The following THAP5 variants were observed in gnomAD, a reference collection of about 807,000 sequenced individuals.
The protein encoded by THAP5 is THAP domain-containing protein 5.
Under a neutral mutation model 34.0 loss-of-function variants are expected in THAP5, and 26 were observed. The ratio of observed to expected loss-of-function variants is 0.77; its 90% CI spans 0.56 to 1.06. The LOEUF (loss-of-function observed/expected upper bound fraction) is 1.06. Among genes scored for constraint, THAP5 ranks in the 50% least tolerant of loss-of-function variants. The pLI is 0.00. For synonymous variants in THAP5, 125 were observed against 153.0 expected, an observed-to-expected ratio of 0.82 and a Z score of 1.35; for missense variants, 394 against 452.8, an observed-to-expected ratio of 0.87 and a Z score of 1.18.
chr7:108,557,254 C>T (rs558972831), downstream of THAP5, among the ~76,000 whole-genome samples: 5 of 152,364 alleles, frequency 3.3e-5, no homozygotes, highest in East Asian at 5.8e-4. Context: ...TTCTTCTTCA[C>T]GTATGCAGAT....
At chr7:108,560,046 T>A (rs1264066442), downstream of THAP5, among the ~76,000 whole-genome samples, 1 of 152,254 alleles carries the variant, frequency 6.6e-6, no homozygotes, top group Non-Finnish European at 1.5e-5. Flanking sequence ...GGGATGTGAA[T>A]AGCTCTAAAT....
At chr7:108,567,805 A>G (rs531542394) in intron 1 of THAP5, among the ~76,000 whole-genome samples, 8 of 152,260 alleles carry the variant, frequency 5.3e-5, no homozygotes, top group Non-Finnish European at 1.2e-4. Flanking sequence ...TGGATTACAC[A>G]AGAAAATTTT....
chr7:108,546,251 G>T, the THAP5 span, among the ~76,000 whole-genome samples: 7 of 152,012 alleles, frequency 4.6e-5, no homozygotes, highest in Admixed American at 6.6e-5. Flanking sequence ...GGCTTGCTAG[G>T]TGCCAAAAAC....
rs750915971 is a variant in THAP5 at position 108,569,513 on chromosome 7, T to A, written c.57A>T (p.Lys19Asn). 1 of 1,551,804 alleles carries A rather than the reference T, an allele frequency of 6.4e-7. No homozygotes were observed. Among genetic ancestry groups the A allele is most frequent in the South Asian group, 1.2e-5 (1 of 84,066 alleles). ...CCKNRRGRNNKDRKLSFYPFP... is the reference protein window; with the variant it reads ...CCKNRRGRNNNDRKLSFYPFP... Reference sequence around the variant, plus strand: ...ACGGATAAAAACTCAGCTTCCGGTCTTTATTGTTTCGTCCCCGGCGGTTCT... The same window carrying A: ...ACGGATAAAAACTCAGCTTCCGGTCATTATTGTTTCGTCCCCGGCGGTTCT... The change falls in exon 1 of 3, where the codon AAA (lysine) becomes AAT (asparagine). Residue 19 changes from lysine to asparagine, a missense_variant. Transcript: ENST00000415914.
rs1790422293 is a variant in THAP5 at position 108,564,107 on chromosome 7, T to C, written c.*84A>G. 1.8e-6 allele frequency: 2 copies of C among 1,124,876 alleles called. No homozygotes were observed. Among genetic ancestry groups the C allele is most frequent in the South Asian group, 1.7e-5 (1 of 59,576 alleles). 69.7% of individuals were successfully genotyped at this position (1,124,876 alleles called of 1,614,324 possible). A position where few individuals can be genotyped will look rare whatever the true frequency, so the allele number is the denominator to read the frequency against. ...TAGGTTCATTAAGATGAGAACTTTATACAGGAAACAGTTCACTTTACATGT... is the reference window on the plus strand; with the variant it reads ...TAGGTTCATTAAGATGAGAACTTTACACAGGAAACAGTTCACTTTACATGT... On this transcript the variant is annotated 3_prime_UTR_variant, in exon 3 of 3. Transcript: ENST00000415914.
chr7:108,561,523 C>T (rs751661048), downstream of THAP5, among the ~76,000 whole-genome samples: 22 of 151,470 alleles, frequency 1.5e-4, no homozygotes, highest in Non-Finnish European at 2.8e-4. Flanking sequence ...TCTACCTGGT[C>T]CTCCCAAAGT....
downstream of THAP5, among the ~76,000 whole-genome samples, chr7:108,553,985 C>A (rs1346192982): frequency 1.3e-5 from 2 of 152,194 alleles, no homozygotes; most frequent in African/African-American, 4.8e-5. Context: ...TGGAAACAAT[C>A]CCCAATAAGG....
the THAP5 span, among the ~76,000 whole-genome samples, chr7:108,546,906 C>T: frequency 2.6e-5 from 4 of 152,102 alleles, no homozygotes; most frequent in East Asian, 3.9e-4. Context: ...TAAAATAAAT[C>T]GGAGCTGGAT....
Position 108,569,493 on chromosome 7 carries a change from T to A in THAP5, c.77A>T (p.Tyr26Phe), listed in dbSNP as rs935139315. The A allele has an allele frequency of 7.1e-6, 11 of 1,551,584 alleles. No homozygotes were observed. The highest frequency in any genetic ancestry group is 7.8e-6 in the Non-Finnish European group (9 of 1,147,002). ...TTCTGCTCCAGAAACAACTTACGGA[T>A]AAAAACTCAGCTTCCGGTCTTTATT... Reference protein sequence around the residue: ...RNNKDRKLSFYPFPLHDKERL... With the variant: ...RNNKDRKLSFFPFPLHDKERL... Residue 26 changes from tyrosine to phenylalanine, a missense_variant, in exon 1 of 3, where the codon TAT (tyrosine) becomes TTT (phenylalanine). Tyr to Phe is a conservative substitution (Grantham distance 22). Coordinates refer to ENST00000415914, the MANE Select transcript of THAP5 (RefSeq NM_001130475.3).
the THAP5 span, among the ~76,000 whole-genome samples, chr7:108,544,033 A>G: frequency 2.0e-5 from 3 of 152,208 alleles, no homozygotes; most frequent in Non-Finnish European, 4.4e-5. Context: ...TTTGAAAAAT[A>G]TAACTTACCA....
At chr7:108,561,202 A>G (rs1864426831), downstream of THAP5, among the ~76,000 whole-genome samples, 1 of 152,168 alleles carries the variant, frequency 6.6e-6, no homozygotes, top group African/African-American at 2.4e-5. Flanking sequence ...CACTGACTGA[A>G]ACCTTAGGCA....
chr7:108,556,245 T>C (rs1864384954), intron 1 of THAP5, among the ~76,000 whole-genome samples: 1 of 152,096 alleles, frequency 6.6e-6, no homozygotes, highest in African/African-American at 2.4e-5. Flanking sequence ...CTCCCAAATC[T>C]CATGGTCTTC....
downstream of THAP5, among the ~76,000 whole-genome samples, chr7:108,559,673 C>G (rs1039387696): frequency 7.2e-5 from 11 of 152,204 alleles, no homozygotes; most frequent in African/African-American, 2.4e-4. Context: ...AATTGGCTCA[C>G]AGTTCTGCAT....
chr7:108,561,430 ATT>A (rs372485775), downstream of THAP5, among the ~76,000 whole-genome samples: 63 of 127,942 alleles, frequency 4.9e-4, no homozygotes, highest in African/African-American at 1.7e-3. Flanking sequence ...TGCCTGGCTG[ATT>A]TTTTTTTTTT....
At position 108,564,454 on chromosome 7, in the gene THAP5, T is replaced by C. The variant is rs752576557; in HGVS notation, c.925A>G (p.Lys309Glu). The change falls in exon 3 of 3, where the codon AAG (lysine) becomes GAG (glutamate). Residue 309 changes from lysine to glutamate, a missense_variant. Coordinates refer to ENST00000415914, the MANE Select transcript of THAP5 (RefSeq NM_001130475.3). Reference protein sequence around the residue: ...EDTDIEDSLYKDVDYGTEVLQ... With the variant: ...EDTDIEDSLYEDVDYGTEVLQ... ...ACTTCTGTCCCATAGTCTACATCCTTATACAAGGAGTCTTCAATGTCTGTG... is the reference window on the plus strand; with the variant it reads ...ACTTCTGTCCCATAGTCTACATCCTCATACAAGGAGTCTTCAATGTCTGTG... 9 of 1,613,938 alleles carry C rather than the reference T, an allele frequency of 5.6e-6. No homozygotes were observed. The highest frequency in any genetic ancestry group is 4.5e-5 in the East Asian group (2 of 44,810).
chr7:108,567,467 T>TTTTTTA (rs1790510040), intron 1 of THAP5, among the ~76,000 whole-genome samples: 1 of 152,188 alleles, frequency 6.6e-6, no homozygotes, highest in African/African-American at 2.4e-5. Context: ...TATGCTAAGT[T>TTTTTTA]ATCAACTCAT....
At chr7:108,546,190 C>T in the THAP5 span, among the ~76,000 whole-genome samples, 23 of 152,176 alleles carry the variant, frequency 1.5e-4, no homozygotes, top group Admixed American at 2.6e-4. Context: ...TCAGATAAGG[C>T]CACAAGAGAT....
In THAP5 at chr7:108,564,789, A is replaced by G; in HGVS notation, c.590T>C (p.Phe197Ser). 6.2e-7 allele frequency: 1 copy of G among 1,613,510 alleles called. No individual in the cohort carries two copies. Among genetic ancestry groups the G allele is most frequent in the East Asian group, 2.2e-5 (1 of 44,820 alleles). The change falls in exon 3 of 3, where the codon TTT becomes TCT. Residue 197 changes from phenylalanine to serine, a missense_variant. Transcript: ENST00000415914. ...AATAGTTGTAGAATTTAGATTCTCA[A>G]AACATGTGTGAAAACCACCTCTACC... ...DTGRGGFHTC[F>S]ENLNSTTITL...
chr7:108,552,108 C>T (rs1388541602), downstream of THAP5, among the ~76,000 whole-genome samples: 1 of 152,110 alleles, frequency 6.6e-6, no homozygotes, highest in African/African-American at 2.4e-5. Context: ...TTTCACTTAA[C>T]CTCTGTTTTC....
Sources: allele counts gnomAD v4.1 joint callset (sites outside exome capture counted in the v4.1 genomes callset), GRCh38; gene constraint gnomAD v4.1.1; transcripts MANE v1.5; gene names NCBI Gene and HGNC (gene_info 2026-07-23, HGNC 2026-07-21).